The following LDB3 variants were observed in gnomAD, a reference collection of about 807,000 sequenced individuals.
The protein encoded by LDB3 is LIM domain binding 3, also known as LIM domain-binding protein 3.
Under a neutral mutation model 69.0 loss-of-function variants are expected in LDB3, and 49 were observed. That is an observed-to-expected ratio of 0.71 (90% CI 0.56 to 0.90). The LOEUF (loss-of-function observed/expected upper bound fraction) is 0.90, where lower values mean the gene tolerates loss of function less well. Ranked by LOEUF, LDB3 falls within the 40% of genes least tolerant of loss-of-function variation. The pLI, the probability that LDB3 is intolerant of heterozygous loss-of-function variation, is 0.00. For synonymous variants in LDB3, 387 were observed against 396.2 expected (o/e 0.98, Z 0.28); for missense variants, 928 against 974.1 (o/e 0.95, Z 0.63).
At position 86,699,827 on chromosome 10, in the gene LDB3, GC is replaced by G; in HGVS notation, c.897-6701del. The G allele has an allele frequency of 3.6e-5, 37 of 1,025,886 alleles. No homozygotes were observed. The highest frequency in any genetic ancestry group is 4.2e-5 in the Non-Finnish European group (36 of 854,404). The allele number at this position is 1,025,886 out of a possible 1,614,324, so 63.5% of individuals were successfully genotyped here. On this transcript the variant is annotated intron_variant, in intron 7 of 13. Coordinates refer to ENST00000361373, the MANE Select transcript of LDB3 (RefSeq NM_007078.3). This position sits in a 1 kb window ranked among gnomAD's most constrained non-coding sequence, Gnocchi z 4.9. ...GGGGAAGAGGCTGATCCCTGGCGCT[GC>G]CCGGCTCCCTCGCTGCCCTCTGGAG...
intron 9 of LDB3, among the ~76,000 whole-genome samples, chr10:86,715,924 G>A (rs1438628998): frequency 6.6e-6 from 1 of 152,126 alleles, no homozygotes; most frequent in East Asian, 1.9e-4. Flanking sequence ...TCAAATCACT[G>A]GTCAGAGTGC....
intron 9 of LDB3, 119 bp downstream of exon 9, chr10:86,710,169 T>C: frequency 1.3e-6 from 2 of 1,535,334 alleles, no homozygotes; most frequent in Non-Finnish European, 1.7e-6. Flanking sequence ...AAGGCCTTGC[T>C]AATGATGCTC....
At chr10:86,727,316 C>A (rs1302995030) in intron 13 of LDB3, among the ~76,000 whole-genome samples, 1 of 151,978 alleles carries the variant, frequency 6.6e-6, no homozygotes, top group African/African-American at 2.4e-5. Context: ...GCCACCACGC[C>A]TGGCTGATTT....
At chr10:86,680,430 C>A (rs1016046245) in intron 4 of LDB3, among the ~76,000 whole-genome samples, 1 of 152,260 alleles carries the variant, frequency 6.6e-6, no homozygotes, top group Non-Finnish European at 1.5e-5. Context: ...TGATAGGAAG[C>A]CAGCTTGGGC....
At position 86,668,778 on chromosome 10, in the gene LDB3, C is replaced by T; in HGVS notation, c.87C>T (p.Ile29=). The change falls in exon 2 of 14, where the codon ATC becomes ATT. Residue 29 remains isoleucine, a synonymous_variant. Coordinates refer to ENST00000361373, the MANE Select transcript of LDB3 (RefSeq NM_007078.3). The part of the protein sequence containing the change: ...GGKDFNMPLT[I]SRITPGSKAA... ...AGGACTTCAACATGCCCCTCACTAT[C>T]TCCCGGGTGAGTGCACCCTGCCACA... 6.2e-7 allele frequency: 1 copy of T among 1,612,732 alleles called. No individual in the cohort carries two copies. Among genetic ancestry groups the T allele is most frequent in the African/African-American group, 1.3e-5 (1 of 75,050 alleles).
intron 7 of LDB3, among the ~76,000 whole-genome samples, chr10:86,704,269 C>T (rs1846364018): frequency 6.6e-6 from 1 of 152,144 alleles, no homozygotes; most frequent in African/African-American, 2.4e-5. Context: ...TGGTGAGGCC[C>T]CAAGCCCTTT....
Position 86,735,060 on chromosome 10 carries a change from C to CAA in LDB3, c.*2085_*2086insAA, listed in dbSNP as rs1223641952. Reference sequence around the variant, plus strand: ...TCTCTTTTTAAAGGGTTTACACACACACACACACACACACACACACACACA... The same window carrying CAA: ...TCTCTTTTTAAAGGGTTTACACACACAAACACACACACACACACACACACACA... On this transcript the variant is annotated 3_prime_UTR_variant, in exon 14 of 14. Coordinates refer to ENST00000361373, the MANE Select transcript of LDB3 (RefSeq NM_007078.3). 11 of 129,348 alleles carry CAA rather than the reference C, an allele frequency of 8.5e-5. No individual in the cohort carries two copies. Among genetic ancestry groups the CAA allele is most frequent in the Non-Finnish European group, 1.8e-4 (11 of 60,868 alleles). 8.0% of individuals were successfully genotyped at this position (129,348 alleles called of 1,614,324 possible). A position where few individuals can be genotyped will look rare whatever the true frequency, so the allele number is the denominator to read the frequency against.
At chr10:86,679,222 G>T in intron 2 of LDB3, 145 bp from the exon 3 acceptor site, 1 of 946,280 alleles carries the variant, frequency 1.1e-6, no homozygotes, top group Non-Finnish European at 1.7e-6. Context: ...AACTAGGCTT[G>T]GTTAGCAGCT....
At chr10:86,705,420 T>A (rs1846405424) in intron 7 of LDB3, among the ~76,000 whole-genome samples, 1 of 152,272 alleles carries the variant, frequency 6.6e-6, no homozygotes, top group Non-Finnish European at 1.5e-5. Flanking sequence ...ATCCAGTTGC[T>A]GTTATTGCAA....
intron 10 of LDB3, 68 bp downstream of exon 10, chr10:86,716,839 T>C: frequency 1.3e-6 from 2 of 1,498,604 alleles, no homozygotes; most frequent in Non-Finnish European, 1.8e-6. Context: ...TTGCCCACAG[T>C]CTGAGCCCTG....
At chr10:86,683,616 G>A (rs1025480801) in intron 5 of LDB3, among the ~76,000 whole-genome samples, 14 of 152,340 alleles carry the variant, frequency 9.2e-5, no homozygotes, top group African/African-American at 3.1e-4. Flanking sequence ...AGAGTCTGAC[G>A]TTTCCTCCAA....
At chr10:86,687,631 T>C (rs1845557902) in intron 5 of LDB3, among the ~76,000 whole-genome samples, 1 of 152,236 alleles carries the variant, frequency 6.6e-6, no homozygotes, top group South Asian at 2.1e-4. Flanking sequence ...ACAGCGAAGC[T>C]GTCCTTTAAG....
intron 7 of LDB3, among the ~76,000 whole-genome samples, chr10:86,693,938 C>T (rs189009887): frequency 1.3e-5 from 2 of 152,212 alleles, no homozygotes; most frequent in Admixed American, 6.5e-5. Flanking sequence ...AAAATCCCCC[C>T]GGGTTCCTTC....
chr10:86,707,624 C>T (rs765759284), intron 8 of LDB3, among the ~76,000 whole-genome samples: 3 of 152,216 alleles, frequency 2.0e-5, no homozygotes, highest in Non-Finnish European at 2.9e-5. Flanking sequence ...CCAGGTGTCC[C>T]AGGCCTCCCA....
At chr10:86,728,813 C>T (rs1295961974) in intron 13 of LDB3, among the ~76,000 whole-genome samples, 1 of 152,028 alleles carries the variant, frequency 6.6e-6, no homozygotes, top group African/African-American at 2.4e-5. Flanking sequence ...AACTCCTGAC[C>T]TCATGAGCCA....
intron 13 of LDB3, 153 bp from the exon 14 acceptor site, chr10:86,732,734 C>T (rs1175695443): frequency 3.1e-6 from 2 of 642,958 alleles, no homozygotes; most frequent in Admixed American, 2.2e-5. Flanking sequence ...GGACTCCTGA[C>T]CTCAAGTGAT....
At chr10:86,709,765 A>G (rs1564653513) in intron 8 of LDB3, 140 bp from the exon 9 acceptor site, 1 of 894,902 alleles carries the variant, frequency 1.1e-6, no homozygotes, top group African/African-American at 1.7e-5. Context: ...CTTCCTTCAC[A>G]GTTTCTGGCA....
intron 4 of LDB3, among the ~76,000 whole-genome samples, chr10:86,680,775 G>A (rs1845070663): frequency 6.6e-6 from 1 of 152,214 alleles, no homozygotes; most frequent in African/African-American, 2.4e-5. Context: ...CTCAACCCCC[G>A]AGGGCTCCCT....
chr10:86,687,157 G>A lies in LDB3; in HGVS notation c.690-4739G>A, dbSNP rs376489385. 4.4e-5 allele frequency: 71 copies of A among 1,614,116 alleles called. No individual in the cohort carries two copies. Among genetic ancestry groups the A allele is most frequent in the Middle Eastern group, 1.6e-4 (1 of 6,084 alleles). ...GCCCATCGAGGTGAAGGGGCTGGGC[G>A]GCAAGGCCACCATCATCCATGCGCA... On this transcript the variant is annotated intron_variant, in intron 5 of 13. Coordinates refer to ENST00000361373, the MANE Select transcript of LDB3 (RefSeq NM_007078.3).
Sources: allele counts gnomAD v4.1 joint callset (sites outside exome capture counted in the v4.1 genomes callset), GRCh38; gene constraint gnomAD v4.1.1; non-coding constraint Gnocchi (gnomAD v3.1); transcripts MANE v1.5; gene names NCBI Gene and HGNC (gene_info 2026-07-23, HGNC 2026-07-21).